MACROD2: variants seen among roughly 807,000 people sequenced by gnomAD.
MACROD2 encodes mono-ADP ribosylhydrolase 2.
MACROD2 carries 36 observed loss-of-function variants against 70.4 expected under a neutral mutation model. The ratio of observed to expected loss-of-function variants is 0.51; its 90% CI spans 0.39 to 0.68. The LOEUF is 0.68. MACROD2 is among the 30% of genes least tolerant of loss of function. MACROD2 has a pLI of 0.00. For missense variants in MACROD2, 496 were observed against 538.4 expected, an observed-to-expected ratio of 0.92 and a Z score of 0.78; for synonymous variants, 172 against 178.8, an observed-to-expected ratio of 0.96 and a Z score of 0.30.
intron 8 of MACROD2, among the ~76,000 whole-genome samples, chr20:15,745,821 C>T (rs1009903978): frequency 6.6e-6 from 1 of 152,082 alleles, no homozygotes; most frequent in African/African-American, 2.4e-5. Flanking sequence ...GACCTTTCCC[C>T]ATCAGCTTCT....
chr20:14,336,965 T>A (rs1458777691), intron 3 of MACROD2, among the ~76,000 whole-genome samples: 2 of 152,204 alleles, frequency 1.3e-5, no homozygotes, highest in East Asian at 1.9e-4. Context: ...TTTCATGTAC[T>A]GCGTACTCAT....
chr20:14,796,638 T>C (rs1043245286), intron 5 of MACROD2, among the ~76,000 whole-genome samples: 1 of 152,074 alleles, frequency 6.6e-6, no homozygotes, highest in Admixed American at 6.6e-5. Context: ...CTTTTTGTTT[T>C]GATGGCAAAA....
At chr20:14,104,809 G>A (rs1276767876) in intron 3 of MACROD2, among the ~76,000 whole-genome samples, 1 of 152,156 alleles carries the variant, frequency 6.6e-6, no homozygotes, top group Non-Finnish European at 1.5e-5. Flanking sequence ...ACCAGTTTCT[G>A]GGAAAGTAAA....
At chr20:15,668,275 A>T (rs138560891) in intron 8 of MACROD2, among the ~76,000 whole-genome samples, 2 of 151,466 alleles carry the variant, frequency 1.3e-5, no homozygotes, top group African/African-American at 4.9e-5. Flanking sequence ...AATATAAAAT[A>T]AAAAAATGCT....
intron 6 of MACROD2, among the ~76,000 whole-genome samples, chr20:15,358,888 C>T (rs536123350): frequency 1.3e-5 from 2 of 152,006 alleles, no homozygotes; most frequent in African/African-American, 2.4e-5. Flanking sequence ...AATTACCTCC[C>T]GAAGGCCCCA....
At chr20:15,175,423 T>TATA (rs1168263107) in intron 5 of MACROD2, among the ~76,000 whole-genome samples, 1 of 151,926 alleles carries the variant, frequency 6.6e-6, no homozygotes, top group East Asian at 1.9e-4. Context: ...AAACTTAAAG[T>TATA]ATAATAATAA....
chr20:15,903,748 G>A (rs949313131), intron 10 of MACROD2, among the ~76,000 whole-genome samples: 3 of 152,214 alleles, frequency 2.0e-5, no homozygotes, highest in South Asian at 2.1e-4. Flanking sequence ...GATAGGACGT[G>A]CTCTAACTTA....
intron 5 of MACROD2, among the ~76,000 whole-genome samples, chr20:15,133,227 CTT>C (rs2076119652): frequency 2.0e-5 from 3 of 151,928 alleles, no homozygotes; most frequent in Non-Finnish European, 2.9e-5. Context: ...AGAAAACAAA[CTT>C]TGAGGAGAAA....
chr20:15,302,348 T>C (rs1190510306), intron 6 of MACROD2, among the ~76,000 whole-genome samples: 1 of 119,920 alleles, frequency 8.3e-6, no homozygotes, highest in Non-Finnish European at 1.8e-5. Context: ...AATGTGACCC[T>C]GGGCAGATAA....
At chr20:15,874,614 G>T (rs567583274) in intron 9 of MACROD2, among the ~76,000 whole-genome samples, 32 of 152,184 alleles carry the variant, frequency 2.1e-4, no homozygotes, top group African/African-American at 7.5e-4. Context: ...ATTCTAACTG[G>T]CATGAGATGG....
chr20:15,431,584 T>C, intron 7 of MACROD2, 149 bp downstream of exon 7: 1 of 694,510 alleles, frequency 1.4e-6, no homozygotes. Flanking sequence ...TTAAAGAATG[T>C]CATGAGGCTA....
chr20:15,152,222 A>G (rs1288899199), intron 5 of MACROD2, among the ~76,000 whole-genome samples: 1 of 151,942 alleles, frequency 6.6e-6, no homozygotes, highest in African/African-American at 2.4e-5. Flanking sequence ...AGAAAATAAG[A>G]TGCTTAGATT....
At chr20:15,774,148 C>T (rs1257882383) in intron 8 of MACROD2, among the ~76,000 whole-genome samples, 1 of 152,126 alleles carries the variant, frequency 6.6e-6, no homozygotes, top group Non-Finnish European at 1.5e-5. Context: ...AAGACAGTTG[C>T]AACCACTTGT....
intron 8 of MACROD2, among the ~76,000 whole-genome samples, chr20:15,810,260 A>G (rs1159234545): frequency 6.6e-6 from 1 of 151,514 alleles, no homozygotes; most frequent in Non-Finnish European, 1.5e-5. Flanking sequence ...AATCCAGTCT[A>G]TCATTGTTGG....
intron 5 of MACROD2, among the ~76,000 whole-genome samples, chr20:15,009,299 A>G (rs1245293744): frequency 1.3e-5 from 2 of 152,162 alleles, no homozygotes; most frequent in Non-Finnish European, 2.9e-5. Context: ...AAAGAAGCCT[A>G]AAACATATAG....
At chr20:13,998,011 C>G (rs539215356) in intron 1 of MACROD2, among the ~76,000 whole-genome samples, 16 of 152,044 alleles carry the variant, frequency 1.1e-4, no homozygotes, top group South Asian at 4.2e-4. Context: ...GGAAGGCTTA[C>G]CTACCTCATT....
intron 5 of MACROD2, among the ~76,000 whole-genome samples, chr20:14,965,870 C>G (rs933850316): frequency 6.6e-6 from 1 of 152,080 alleles, no homozygotes; most frequent in African/African-American, 2.4e-5. Flanking sequence ...CATACAGTAA[C>G]TGGAAGCATG....
chr20:15,246,619 G>A (rs897930459), intron 6 of MACROD2, among the ~76,000 whole-genome samples: 1 of 152,192 alleles, frequency 6.6e-6, no homozygotes, highest in Admixed American at 6.5e-5. Context: ...AACCACTGCA[G>A]TGGATGCGTA....
chr20:14,072,205 T>C (rs2053854144), intron 2 of MACROD2, among the ~76,000 whole-genome samples: 3 of 152,202 alleles, frequency 2.0e-5, no homozygotes, highest in South Asian at 2.1e-4. Context: ...AAACCAGTTA[T>C]GTTTTTTTCC....
Sources: gnomAD v4.1 joint callset for allele counts (sites outside exome capture counted in the v4.1 genomes callset) on GRCh38, gnomAD v4.1.1 for gene constraint, MANE v1.5 for transcripts, NCBI Gene and HGNC (gene_info 2026-07-23, HGNC 2026-07-21) for gene names.